NTAQ1: variants seen among roughly 807,000 people sequenced by gnomAD.
NTAQ1 encodes the protein N-terminal glutamine amidase 1.
Under a neutral mutation model 28.2 loss-of-function variants are expected in NTAQ1, and 21 were observed. The ratio of observed to expected loss-of-function variants is 0.74; its 90% confidence interval spans 0.53 to 1.07. The LOEUF (loss-of-function observed/expected upper bound fraction) is 1.07, where lower values mean the gene tolerates loss of function less well. Ranked by LOEUF, NTAQ1 falls within the 50% of genes least tolerant of loss-of-function variation. NTAQ1 has a pLI of 0.00. For missense variants in NTAQ1, 264 were observed against 256.6 expected, an observed-to-expected ratio of 1.03 and a Z score of -0.20; for synonymous variants, 105 against 90.0, an observed-to-expected ratio of 1.17 and a Z score of -0.94.
At chr8:123,450,537 A>G (rs537950769), downstream of NTAQ1, among the ~76,000 whole-genome samples, 1 of 135,616 alleles carries the variant, frequency 7.4e-6, no homozygotes, top group African/African-American at 2.5e-5. Flanking sequence ...TGCCCCTCCA[A>G]GGAGACCTCT....
At chr8:123,425,939 G>A (rs1586932969) in intron 1 of NTAQ1, among the ~76,000 whole-genome samples, 1 of 152,082 alleles carries the variant, frequency 6.6e-6, no homozygotes. Flanking sequence ...CAGGAGAATC[G>A]CTTGAATCCA....
intron 6 of NTAQ1, among the ~76,000 whole-genome samples, chr8:123,447,852 T>C (rs1815346252): frequency 6.6e-6 from 1 of 152,234 alleles, no homozygotes; most frequent in African/African-American, 2.4e-5. Flanking sequence ...TGTAGTTTGC[T>C]GTCCCTTGTT....
chr8:123,438,316 C>T (rs1480337146), intron 5 of NTAQ1: 7 of 621,424 alleles, frequency 1.1e-5, no homozygotes, highest in East Asian at 2.8e-5. Context: ...TGAAAGTGCT[C>T]TGTGAGCTCT....
At chr8:123,438,254 C>T in intron 5 of NTAQ1, 1 of 695,442 alleles carries the variant, frequency 1.4e-6, no homozygotes, top group African/African-American at 1.7e-5. Flanking sequence ...TAATTCACAA[C>T]ATTCCCACTT....
chr8:123,448,832 G>T (rs964204897), downstream of NTAQ1, among the ~76,000 whole-genome samples: 4 of 152,174 alleles, frequency 2.6e-5, no homozygotes, highest in Non-Finnish European at 5.9e-5. Context: ...GGGTTCAGAC[G>T]TTTATAGGCT....
downstream of NTAQ1, among the ~76,000 whole-genome samples, chr8:123,444,788 C>T (rs898875249): frequency 5.9e-5 from 9 of 152,168 alleles, no homozygotes; most frequent in South Asian, 4.1e-4. Context: ...GGATTACAGG[C>T]GTGAGCCACG....
chr8:123,449,927 A>ATGTGTGTGTG (rs1341187426), downstream of NTAQ1, among the ~76,000 whole-genome samples: 8 of 44,844 alleles, frequency 1.8e-4, no homozygotes, highest in African/African-American at 4.7e-4. Context: ...GTGTATATAT[A>ATGTGTGTGTG]TATGTGTGTG....
chr8:123,453,972 C>T (rs1376635911), intron 6 of NTAQ1, among the ~76,000 whole-genome samples: 1 of 152,188 alleles, frequency 6.6e-6, no homozygotes, highest in Non-Finnish European at 1.5e-5. Flanking sequence ...TGCCCACATT[C>T]TGTAATCAGA....
At chr8:123,418,861 T>C (rs1487504393) in intron 1 of NTAQ1, among the ~76,000 whole-genome samples, 2 of 152,292 alleles carry the variant, frequency 1.3e-5, no homozygotes, top group East Asian at 3.9e-4. Context: ...GAGGCTGTCC[T>C]GTGTATTGCA....
At chr8:123,471,315 T>G (rs1191815167), downstream of NTAQ1, among the ~76,000 whole-genome samples, 1 of 152,162 alleles carries the variant, frequency 6.6e-6, no homozygotes, top group Non-Finnish European at 1.5e-5. Context: ...ATAAACTAAT[T>G]ACATCTGCAA....
At chr8:123,417,607 A>G (rs1813377573) in intron 1 of NTAQ1, among the ~76,000 whole-genome samples, 1 of 152,124 alleles carries the variant, frequency 6.6e-6, no homozygotes, top group African/African-American at 2.4e-5. Context: ...CCCTTGCCTT[A>G]GTCCTCATAC....
At chr8:123,419,733 G>GCCCTCCCTCCCTCCCTCTCT (rs2130125973) in intron 1 of NTAQ1, among the ~76,000 whole-genome samples, 1 of 71,298 alleles carries the variant, frequency 1.4e-5, no homozygotes, top group East Asian at 7.8e-4. Context: ...CAAATCCACA[G>GCCCTCCCTCCCTCCCTCTCT]CCCTCCCTCC....
At chr8:123,445,150 C>T (rs1458904794), downstream of NTAQ1, among the ~76,000 whole-genome samples, 1 of 151,810 alleles carries the variant, frequency 6.6e-6, no homozygotes, top group Non-Finnish European at 1.5e-5. Context: ...CTGCTTTGTC[C>T]TCCAATTTTC....
At chr8:123,466,700 T>C (rs1212076104) in intron 6 of NTAQ1, among the ~76,000 whole-genome samples, 1 of 152,222 alleles carries the variant, frequency 6.6e-6, no homozygotes, top group Non-Finnish European at 1.5e-5. Context: ...CAAATATCTC[T>C]TTGAGATCTT....
intron 2 of NTAQ1, among the ~76,000 whole-genome samples, 182 bp downstream of exon 2, chr8:123,428,205 T>C (rs1814182856): frequency 6.6e-6 from 1 of 152,152 alleles, no homozygotes; most frequent in African/African-American, 2.4e-5. Flanking sequence ...CAAGGCACGA[T>C]TGAGTTAGAA....
chr8:123,418,457 A>T (rs113214765), intron 1 of NTAQ1, among the ~76,000 whole-genome samples: 1,908 of 151,832 alleles, frequency 0.013, 45 homozygotes, highest in African/African-American at 0.041. Flanking sequence ...CAAAAAAAAA[A>T]AAAAAATAAA....
At chr8:123,470,371 G>C (rs1272240016), downstream of NTAQ1, among the ~76,000 whole-genome samples, 5 of 152,194 alleles carry the variant, frequency 3.3e-5, no homozygotes, top group Non-Finnish European at 7.3e-5. Context: ...ACTTATCTTT[G>C]CTAAGGGCAA....
intron 3 of NTAQ1, among the ~76,000 whole-genome samples, chr8:123,434,579 T>C (rs7817573): frequency 0.72 from 108,689 of 151,912 alleles, 39,206 homozygotes; most frequent in East Asian, 0.93. Flanking sequence ...GAGCTGGGAT[T>C]GTGCCACTGT....
downstream of NTAQ1, among the ~76,000 whole-genome samples, chr8:123,449,951 A>G (rs1261229137): frequency 3.8e-4 from 5 of 13,160 alleles, no homozygotes; most frequent in Admixed American, 1.0e-3. Context: ...GTGTGTGTGC[A>G]TATATATATA....
Sources: gnomAD v4.1 joint callset for allele counts (sites outside exome capture counted in the v4.1 genomes callset) on GRCh38, gnomAD v4.1.1 for gene constraint, MANE v1.5 for transcripts, NCBI Gene and HGNC (gene_info 2026-07-23, HGNC 2026-07-21) for gene names.